DCLK1: variants seen among roughly 807,000 people sequenced by gnomAD.
DCLK1 encodes the protein doublecortin like kinase 1.
A neutral mutation model predicts 86.2 loss-of-function variants in DCLK1; 16 were observed. The observed-to-expected ratio is 0.19, with a 90% confidence interval of 0.13 to 0.28. The LOEUF is 0.28. Ranked by LOEUF, DCLK1 falls within the 10% of genes least tolerant of loss-of-function variation. DCLK1 has a pLI of 1.00. For missense variants in DCLK1, 590 were observed against 940.2 expected, an observed-to-expected ratio of 0.63 and a Z score of 4.87; for synonymous variants, 369 against 370.5, an observed-to-expected ratio of 1.00 and a Z score of 0.05.
At chr13:36,001,562 C>T (rs1479845736) in intron 3 of DCLK1, among the ~76,000 whole-genome samples, 1 of 152,118 alleles carries the variant, frequency 6.6e-6, no homozygotes, top group African/African-American at 2.4e-5. Flanking sequence ...TGGAACTCAA[C>T]ATCACACCCC....
intron 4 of DCLK1, among the ~76,000 whole-genome samples, chr13:35,872,851 T>C (rs1055532751): frequency 6.6e-6 from 1 of 152,212 alleles, no homozygotes; most frequent in Non-Finnish European, 1.5e-5. Flanking sequence ...AGCCAGGTTT[T>C]TGTTTGCTTT....
intron 3 of DCLK1, among the ~76,000 whole-genome samples, chr13:36,006,504 C>A (rs548031712): frequency 2.0e-5 from 3 of 152,178 alleles, no homozygotes; most frequent in Non-Finnish European, 4.4e-5. Flanking sequence ...AATTCAAGGC[C>A]CTCTTGTGAA....
At chr13:35,932,744 T>C (rs2153129339) in intron 4 of DCLK1, among the ~76,000 whole-genome samples, 1 of 152,282 alleles carries the variant, frequency 6.6e-6, no homozygotes, top group South Asian at 2.1e-4. Flanking sequence ...CCACAACATG[T>C]AGGAATTATG....
intron 5 of DCLK1, among the ~76,000 whole-genome samples, chr13:35,862,984 G>T (rs1012468834): frequency 6.6e-6 from 1 of 152,190 alleles, no homozygotes. Context: ...TTACAATTCT[G>T]TATTTTCACT....
chr13:36,093,729 T>C (rs1458026153), intron 3 of DCLK1, among the ~76,000 whole-genome samples: 2 of 152,122 alleles, frequency 1.3e-5, no homozygotes, highest in Non-Finnish European at 2.9e-5. Flanking sequence ...CCCTAAGGAA[T>C]TTTAGAATAA....
At chr13:35,926,328 GA>G (rs1876117975) in intron 4 of DCLK1, among the ~76,000 whole-genome samples, 1 of 152,194 alleles carries the variant, frequency 6.6e-6, no homozygotes, top group South Asian at 2.1e-4. Context: ...AAAGTGCTGG[GA>G]TTACAGGCGT....
At chr13:36,048,466 T>C (rs1883007417) in intron 3 of DCLK1, among the ~76,000 whole-genome samples, 1 of 152,208 alleles carries the variant, frequency 6.6e-6, no homozygotes, top group African/African-American at 2.4e-5. Flanking sequence ...ACATTTAAAC[T>C]TTCTGATCTC....
At chr13:35,779,915 C>A (rs769312411) in intron 16 of DCLK1, among the ~76,000 whole-genome samples, 31 of 151,718 alleles carry the variant, frequency 2.0e-4, no homozygotes, top group Non-Finnish European at 4.6e-4. Flanking sequence ...GCACTGTAGG[C>A]TAATATATAA....
intron 3 of DCLK1, among the ~76,000 whole-genome samples, chr13:36,039,547 A>G (rs906677694): frequency 1.3e-5 from 2 of 152,144 alleles, no homozygotes; most frequent in Admixed American, 1.3e-4. Context: ...ACTTTTAAAA[A>G]TTCCCTTTTT....
At chr13:35,898,843 GC>G (rs1280142645) in intron 4 of DCLK1, among the ~76,000 whole-genome samples, 2 of 152,098 alleles carry the variant, frequency 1.3e-5, no homozygotes, top group Non-Finnish European at 2.9e-5. Flanking sequence ...CTGGGCTCAA[GC>G]GATCCTCCTA....
At position 35,971,180 on chromosome 13, in the gene DCLK1, G is replaced by C. The variant is rs116035726; in HGVS notation, c.724-23723C>G. Among the ~76,000 whole-genome samples the C allele has an allele frequency of 5.9e-3, 900 of 152,334 alleles. 15 individuals are homozygous for C. Among genetic ancestry groups the C allele is most frequent in the African/African-American group, 0.021 (861 of 41,564 alleles). ...TTCCACAAGTGACTGTGCTATGTCA[G>C]GGTAGTCTGTTATCAGGATACCATT... On this transcript the variant is annotated intron_variant, in intron 3 of 16. Transcript: ENST00000360631.
intron 4 of DCLK1, among the ~76,000 whole-genome samples, chr13:35,890,014 G>T (rs1873544375): frequency 6.6e-6 from 1 of 152,048 alleles, no homozygotes; most frequent in Admixed American, 6.6e-5. Flanking sequence ...AACAGTGTTT[G>T]TTTCCCTTAG....
intron 5 of DCLK1, 60 bp downstream of exon 5, chr13:35,871,164 C>T (rs898713360): frequency 7.2e-7 from 1 of 1,389,180 alleles, no homozygotes; most frequent in South Asian, 1.2e-5. Flanking sequence ...TTCACACACC[C>T]TCTGCTCATC....
intron 15 of DCLK1, among the ~76,000 whole-genome samples, chr13:35,796,903 G>A (rs1327904547): frequency 6.6e-6 from 1 of 152,150 alleles, no homozygotes; most frequent in East Asian, 1.9e-4. Context: ...GAGAATATTT[G>A]GACACGACTT....
chr13:36,060,278 C>T (rs761631076), intron 3 of DCLK1, among the ~76,000 whole-genome samples: 9 of 152,110 alleles, frequency 5.9e-5, no homozygotes, highest in Non-Finnish European at 1.0e-4. Flanking sequence ...AACAAAATGC[C>T]TATTAATCAA....
intron 3 of DCLK1, among the ~76,000 whole-genome samples, chr13:35,973,832 G>C (rs1879186806): frequency 6.6e-6 from 1 of 152,150 alleles, no homozygotes; most frequent in Non-Finnish European, 1.5e-5. Context: ...GCAGGGGCTG[G>C]CTCATGGTCC....
At chr13:36,027,051 C>T (rs963179296) in intron 3 of DCLK1, among the ~76,000 whole-genome samples, 4 of 152,078 alleles carry the variant, frequency 2.6e-5, no homozygotes, top group Middle Eastern at 3.4e-3. Context: ...AATGATGGGG[C>T]TAATATCTAA....
chr13:35,846,270 A>G, intron 6 of DCLK1: 2 of 985,014 alleles, frequency 2.0e-6, no homozygotes, highest in Non-Finnish European at 2.4e-6. Context: ...AATATATTTC[A>G]AAGTAAAGAG....
chr13:36,040,413 G>A (rs191816817), intron 3 of DCLK1, among the ~76,000 whole-genome samples: 37 of 144,816 alleles, frequency 2.6e-4, no homozygotes, highest in Admixed American at 9.6e-4. Context: ...AACTGTCAAG[G>A]TTTTCCTCAT....
Sources: gnomAD v4.1 joint callset for allele counts (sites outside exome capture counted in the v4.1 genomes callset) on GRCh38, gnomAD v4.1.1 for gene constraint, MANE v1.5 for transcripts, NCBI Gene and HGNC (gene_info 2026-07-23, HGNC 2026-07-21) for gene names.